FYN: variants seen among roughly 807,000 people sequenced by gnomAD.
FYN encodes the protein tyrosine-protein kinase Fyn.
FYN carries 10 observed loss-of-function variants against 70.2 expected under a neutral mutation model. That is an observed-to-expected ratio of 0.14 (90% confidence interval 0.09 to 0.24). The LOEUF (loss-of-function observed/expected upper bound fraction) is 0.24. FYN is among the 10% of genes least tolerant of loss of function. The probability of loss-of-function intolerance (pLI) is 1.00; values close to 1 mark genes in which losing one functional copy is unlikely to be tolerated. For synonymous variants in FYN, 236 were observed against 248.6 expected, an observed-to-expected ratio of 0.95 and a Z score of 0.48; for missense variants, 319 against 673.1, an observed-to-expected ratio of 0.47 and a Z score of 5.82.
intron 4 of FYN, among the ~76,000 whole-genome samples, chr6:111,714,924 G>C (rs1800556331): frequency 6.6e-6 from 1 of 152,154 alleles, no homozygotes; most frequent in African/African-American, 2.4e-5. Context: ...CTGCAGCTTG[G>C]GGAAATTTAG....
In FYN at chr6:111,661,967, G is replaced by A. The variant is rs764694913; in HGVS notation, c.1406-20C>T. ...TCATGCCTGCAAAGACAAGCGCAGT[G>A]AGAGTGGGCACCCCGGGGATCCAGG... is the stretch of plus-strand genomic sequence containing the variant. On this transcript the variant is annotated intron_variant, in intron 13 of 13. Coordinates refer to ENST00000354650, the MANE Select transcript of FYN (RefSeq NM_002037.5). The surrounding 1 kb of genome is among the most constrained non-coding windows in gnomAD (Gnocchi z 4.0). 5.1e-6 allele frequency: 8 copies of A among 1,580,844 alleles called. No individual in the cohort carries two copies. In the Admixed American group the frequency reaches 1.2e-4, roughly 24 times the overall value.
At chr6:111,699,414 A>T in intron 9 of FYN, 1 of 1,254,796 alleles carries the variant, frequency 8.0e-7, no homozygotes, top group Non-Finnish European at 1.1e-6. Context: ...TATCCAGGTT[A>T]AGTGTCTTTG....
chr6:111,683,780 G>C (rs74964412), intron 12 of FYN, among the ~76,000 whole-genome samples: 59 of 152,150 alleles, frequency 3.9e-4, no homozygotes, highest in African/African-American at 1.3e-3. Flanking sequence ...TTTACAGGAG[G>C]GGGAGGTGAC....
At chr6:111,778,566 C>G (rs1771041463) in intron 3 of FYN, among the ~76,000 whole-genome samples, 1 of 151,080 alleles carries the variant, frequency 6.6e-6, no homozygotes, top group African/African-American at 2.4e-5. Context: ...TTCTTTCTTT[C>G]TTTTGTTTTT....
At chr6:111,751,035 GAAAA>G (rs894863109) in intron 3 of FYN, among the ~76,000 whole-genome samples, 2 of 152,050 alleles carry the variant, frequency 1.3e-5, no homozygotes, top group African/African-American at 2.4e-5. Context: ...AGTCACACTG[GAAAA>G]AAACACCAAG....
intron 3 of FYN, among the ~76,000 whole-genome samples, chr6:111,732,875 G>A (rs949076076): frequency 3.3e-5 from 5 of 152,082 alleles, no homozygotes; most frequent in South Asian, 2.1e-4. Context: ...ACAGCTTCAC[G>A]GAGCACAGCT....
chr6:111,695,806 T>C (rs1249949347), intron 10 of FYN, among the ~76,000 whole-genome samples: 2 of 152,304 alleles, frequency 1.3e-5, no homozygotes, highest in South Asian at 4.1e-4. Context: ...TCTGAAAGCA[T>C]GTAATTTCAT....
At chr6:111,754,801 C>T (rs966192570) in intron 3 of FYN, 1 of 152,112 alleles carries the variant, frequency 6.6e-6, no homozygotes, top group Non-Finnish European at 1.5e-5. Flanking sequence ...CACAAACACA[C>T]ACACAACCTG....
chr6:111,853,017 C>T (rs940863464), intron 1 of FYN, among the ~76,000 whole-genome samples: 2 of 152,162 alleles, frequency 1.3e-5, no homozygotes, highest in Non-Finnish European at 2.9e-5. Flanking sequence ...ATTCCTCTAC[C>T]ACCAACATCA....
intron 1 of FYN, among the ~76,000 whole-genome samples, chr6:111,860,144 A>G (rs192995478): frequency 2.0e-5 from 3 of 152,244 alleles, no homozygotes; most frequent in Non-Finnish European, 2.9e-5. Flanking sequence ...CTCCAGGACT[A>G]TGACAGAAAA....
chr6:111,726,508 A>G (rs1801199198), intron 3 of FYN, among the ~76,000 whole-genome samples: 1 of 152,200 alleles, frequency 6.6e-6, no homozygotes, highest in Admixed American at 6.5e-5. Context: ...GTCCACAGCT[A>G]TGTCAGTCAT....
chr6:111,785,368 A>G (rs1007354336), intron 2 of FYN, among the ~76,000 whole-genome samples: 3 of 152,366 alleles, frequency 2.0e-5, no homozygotes, highest in African/African-American at 7.2e-5. Flanking sequence ...TGCTTAGCAC[A>G]GTAGCTGGCA....
At chr6:111,718,773 TA>T (rs1050476400) in intron 4 of FYN, among the ~76,000 whole-genome samples, 1 of 152,092 alleles carries the variant, frequency 6.6e-6, no homozygotes, top group Non-Finnish European at 1.5e-5. Context: ...AAAGGAAAGC[TA>T]GAGTCACCAC....
chr6:111,783,909 G>A (rs1022805161), intron 2 of FYN, among the ~76,000 whole-genome samples: 2 of 152,234 alleles, frequency 1.3e-5, no homozygotes, highest in Non-Finnish European at 2.9e-5. Context: ...AATCAGAATT[G>A]ATTTTGAAAG....
At chr6:111,838,926 C>T (rs1773269712) in intron 2 of FYN, among the ~76,000 whole-genome samples, 1 of 152,226 alleles carries the variant, frequency 6.6e-6, no homozygotes, top group Non-Finnish European at 1.5e-5. Flanking sequence ...CATTCAGAAT[C>T]ATATCAATTT....
chr6:111,785,699 T>C (rs1295189552), intron 2 of FYN, among the ~76,000 whole-genome samples: 1 of 152,136 alleles, frequency 6.6e-6, no homozygotes, highest in Non-Finnish European at 1.5e-5. Context: ...CTTTAAGTTC[T>C]AGGGTACATG....
chr6:111,801,673 T>C (rs1771989917), intron 2 of FYN, among the ~76,000 whole-genome samples: 1 of 152,174 alleles, frequency 6.6e-6, no homozygotes, highest in Admixed American at 6.6e-5. Flanking sequence ...CTTATAAAAG[T>C]AGCAAGTGTA....
At chr6:111,784,643 G>A (rs1771298257) in intron 2 of FYN, among the ~76,000 whole-genome samples, 1 of 152,186 alleles carries the variant, frequency 6.6e-6, no homozygotes, top group Non-Finnish European at 1.5e-5. Flanking sequence ...CAAAGACAAT[G>A]GGAGACTAAT....
chr6:111,836,332 T>C (rs1773184716), intron 2 of FYN, among the ~76,000 whole-genome samples: 1 of 152,208 alleles, frequency 6.6e-6, no homozygotes, highest in Admixed American at 6.5e-5. Flanking sequence ...GGAGTGATAC[T>C]CATGGGTTAA....
Sources: gnomAD v4.1 joint callset for allele counts (sites outside exome capture counted in the v4.1 genomes callset) on GRCh38, gnomAD v4.1.1 for gene constraint, Gnocchi (gnomAD v3.1) non-coding constraint, MANE v1.5 for transcripts, NCBI Gene and HGNC (gene_info 2026-07-23, HGNC 2026-07-21) for gene names.